The following PSEN2 variants were observed in gnomAD, a reference collection of about 807,000 sequenced individuals.
PSEN2 encodes the protein presenilin-2.
Under a neutral mutation model 49.1 loss-of-function variants are expected in PSEN2, and 32 were observed. That is an observed-to-expected ratio of 0.65 (90% CI 0.49 to 0.88). PSEN2 has a LOEUF of 0.88. Ranked by LOEUF, PSEN2 falls within the 40% of genes least tolerant of loss-of-function variation. PSEN2 has a pLI of 0.00. For synonymous variants in PSEN2, 255 were observed against 244.0 expected (o/e 1.05, Z -0.42); for missense variants, 522 against 586.9 (o/e 0.89, Z 1.14).
chr1:226,895,245 G>C (rs934668170), intron 12 of PSEN2, among the ~76,000 whole-genome samples, 179 bp from the exon 13 acceptor site: 1 of 152,198 alleles, frequency 6.6e-6, no homozygotes, highest in African/African-American at 2.4e-5. Context: ...ATGGGGGTGA[G>C]AACTTCTGCC....
chr1:226,895,289 AAGATAATGGGG>A, intron 12 of PSEN2, 124 bp from the exon 13 acceptor site: 1 of 956,594 alleles, frequency 1.0e-6, no homozygotes, highest in Non-Finnish European at 1.6e-6. Context: ...AGGACCAGGG[AAGATAATGGGG>A]TGTCTAGCGC....
downstream of PSEN2, among the ~76,000 whole-genome samples, chr1:226,901,608 G>T (rs1662323841): frequency 6.6e-6 from 1 of 152,120 alleles, no homozygotes; most frequent in Non-Finnish European, 1.5e-5. Context: ...GTGTGAAGTG[G>T]TGTCTCTTCG....
chr1:226,880,545 A>AGACAGCTATCACTCAGCCTCTG, intron 3 of PSEN2: 1 of 1,098,728 alleles, frequency 9.1e-7, no homozygotes. Flanking sequence ...GCCTCTGGAC[A>AGACAGCTATCACTCAGCCTCTG]GACAGCGATC....
At chr1:226,875,959 C>T (rs947461124) in intron 3 of PSEN2, among the ~76,000 whole-genome samples, 10 of 152,182 alleles carry the variant, frequency 6.6e-5, no homozygotes, top group African/African-American at 2.2e-4. Context: ...CTTTCCAGAA[C>T]GTAGTCTATG....
At chr1:226,877,285 C>G (rs993581786) in intron 3 of PSEN2, among the ~76,000 whole-genome samples, 6 of 152,200 alleles carry the variant, frequency 3.9e-5, no homozygotes, top group African/African-American at 1.4e-4. Flanking sequence ...AATAAGCAGC[C>G]TAGCAGAGTG....
At position 226,889,058 on chromosome 1, in the gene PSEN2, G is replaced by A; in HGVS notation, c.787+9G>A. The A allele has an allele frequency of 6.2e-7, 1 of 1,611,224 alleles. No individual in the cohort carries two copies. On this transcript the variant is annotated intron_variant, in intron 8 of 12. Coordinates refer to ENST00000366783, the MANE Select transcript of PSEN2 (RefSeq NM_000447.3). ...CGCCATCTCTGTGTATGGTAGGTGG[G>A]CAGCAAGGCTGGTGGGGGCAGTGGG...
intron 12 of PSEN2, among the ~76,000 whole-genome samples, chr1:226,902,746 G>T (rs1662355180): frequency 6.6e-6 from 1 of 152,202 alleles, no homozygotes; most frequent in Non-Finnish European, 1.5e-5. Context: ...GAGCTGGGGA[G>T]GCTGGGCTGG....
At chr1:226,889,891 G>A in intron 8 of PSEN2, 144 bp from the exon 9 acceptor site, 1 of 729,338 alleles carries the variant, frequency 1.4e-6, no homozygotes, top group Non-Finnish European at 2.5e-6. Flanking sequence ...TCTAAGTTGT[G>A]ACTGGAGAAT....
At chr1:226,892,428 G>A (rs1661822867) in intron 11 of PSEN2, among the ~76,000 whole-genome samples, 1 of 152,164 alleles carries the variant, frequency 6.6e-6, no homozygotes. Flanking sequence ...GCGAAGATAG[G>A]AGTTCATCCT....
intron 2 of PSEN2, among the ~76,000 whole-genome samples, chr1:226,872,566 T>C (rs929160512): frequency 6.6e-6 from 1 of 152,208 alleles, no homozygotes; most frequent in Non-Finnish European, 1.5e-5. Flanking sequence ...GAAAGTTTTG[T>C]GGAGTCCCCA....
intron 1 of PSEN2, 144 bp downstream of exon 1, chr1:226,870,793 CGGCCCCTGCGTGCGCAGCGCTCCT>C (rs1466661474): frequency 2.0e-5 from 3 of 152,380 alleles, no homozygotes; most frequent in African/African-American, 7.2e-5. Context: ...TGTGGGTCTG[CGGCCCCTGCGTGCGCAGCGCTCCT>C]GGCCTCTGCG....
chr1:226,893,922 G>C (rs1374562291), intron 11 of PSEN2, 85 bp from the exon 12 acceptor site: 1 of 1,249,200 alleles, frequency 8.0e-7, no homozygotes, highest in Non-Finnish European at 1.2e-6. Context: ...GGCAAGAGCA[G>C]CTGGGCCTTC....
intron 3 of PSEN2, 40 bp from the exon 4 acceptor site, chr1:226,881,848 A>G: frequency 3.7e-6 from 6 of 1,613,556 alleles, no homozygotes; most frequent in Non-Finnish European, 5.1e-6. Flanking sequence ...CCTTTGTCTC[A>G]CAGGAAAGTG....
rs1172437165 is a variant in PSEN2, at chr1:226,890,130, T to G, written c.883T>G (p.Ser295Ala). 6.2e-7 allele frequency: 1 copy of G among 1,611,502 alleles called. No homozygotes were observed. Among genetic ancestry groups the G allele is most frequent in the Non-Finnish European group, 8.5e-7 (1 of 1,177,682 alleles). Residue 295 changes from serine (S) to alanine (A), a missense_variant, in exon 9 of 13, where the codon TCA becomes GCA. Physicochemically the swap from Ser to Ala is moderately conservative, Grantham distance 99. Transcript: ENST00000366783. ...NEPIFPALIYSSAMVWTVGMA... is the reference protein window; with the variant it reads ...NEPIFPALIYASAMVWTVGMA... The stretch of plus-strand genomic sequence containing the variant: ...GCCCATATTCCCTGCCCTGATATAC[T>G]CATGTGAGTGAGCCCCCCGTGCCTC...
chr1:226,887,834 A>T (rs1051743324), intron 6 of PSEN2, among the ~76,000 whole-genome samples: 1 of 152,084 alleles, frequency 6.6e-6, no homozygotes, highest in Non-Finnish European at 1.5e-5. Context: ...ACCAGTAGAG[A>T]TGGGGGGAGA....
At chr1:226,888,008 G>T in intron 6 of PSEN2, 83 bp from the exon 7 acceptor site, 1 of 1,124,852 alleles carries the variant, frequency 8.9e-7, no homozygotes, top group Non-Finnish European at 1.4e-6. Flanking sequence ...ATTCAGGCTT[G>T]GGTATCAGTC....
chr1:226,894,882 C>A (rs7555739), intron 12 of PSEN2, among the ~76,000 whole-genome samples: 4,958 of 152,276 alleles, frequency 0.033, 264 homozygotes, highest in African/African-American at 0.11. Flanking sequence ...ACTGCCTTAC[C>A]TGAGCCCTGC....
chr1:226,889,248 A>G (rs1661577886), intron 8 of PSEN2, among the ~76,000 whole-genome samples, 199 bp downstream of exon 8: 2 of 151,850 alleles, frequency 1.3e-5, no homozygotes, highest in African/African-American at 4.8e-5. Context: ...GGTGGTCTAG[A>G]TAAAACGCAG....
At chr1:226,891,868 C>G in intron 11 of PSEN2, 24 bp downstream of exon 11, 1 of 1,597,670 alleles carries the variant, frequency 6.3e-7, no homozygotes, top group Middle Eastern at 1.7e-4. Context: ...GTTCACACGG[C>G]CTGCTTCAGC....
Sources: allele counts gnomAD v4.1 joint callset (sites outside exome capture counted in the v4.1 genomes callset), GRCh38; gene constraint gnomAD v4.1.1; transcripts MANE v1.5; gene names NCBI Gene and HGNC (gene_info 2026-07-23, HGNC 2026-07-21).